Variants in PRKCB observed in about 807,000 individuals in gnomAD.
PRKCB encodes the protein protein kinase C beta type.
In PRKCB, 13 loss-of-function variants were observed where a neutral mutation model predicts 81.5. That is an observed-to-expected ratio of 0.16 (90% CI 0.10 to 0.25). The LOEUF (loss-of-function observed/expected upper bound fraction) is 0.25. Among genes scored for constraint, PRKCB ranks in the 10% least tolerant of loss-of-function variants. PRKCB has a pLI of 1.00. For missense variants in PRKCB, 509 were observed against 875.7 expected (o/e 0.58, Z 5.29); for synonymous variants, 335 against 321.4 (o/e 1.04, Z -0.45).
chr16:24,144,581 A>G (rs1294033890), intron 9 of PRKCB, among the ~76,000 whole-genome samples: 1 of 152,228 alleles, frequency 6.6e-6, no homozygotes, highest in Non-Finnish European at 1.5e-5. Context: ...GATTACAGGC[A>G]TGAGCCACCA....
chr16:24,155,872 CCT>C (rs1181091172), intron 10 of PRKCB, among the ~76,000 whole-genome samples: 1 of 152,120 alleles, frequency 6.6e-6, no homozygotes, highest in African/African-American at 2.4e-5. Flanking sequence ...CAACATGTTT[CCT>C]CTGTCTTCTG....
intron 10 of PRKCB, among the ~76,000 whole-genome samples, chr16:24,165,945 G>A (rs1207720653): frequency 7.2e-6 from 1 of 139,036 alleles, no homozygotes; most frequent in Non-Finnish European, 1.5e-5. Context: ...GGAGTGCAGT[G>A]GCATGATCTG....
chr16:23,846,595 C>T (rs961982579), intron 2 of PRKCB, among the ~76,000 whole-genome samples: 7 of 109,686 alleles, frequency 6.4e-5, no homozygotes, highest in East Asian at 5.9e-4. Flanking sequence ...GGCGACAGAG[C>T]GAGACTCCGT....
rs2141998647 is a variant in PRKCB at position 24,219,367 on chromosome 16, G to T, written c.*4551G>T. 1.0e-6 allele frequency: 1 copy of T among 985,242 alleles called. No individual in the cohort carries two copies. Among genetic ancestry groups the T allele is most frequent in the Non-Finnish European group, 1.2e-6 (1 of 830,016 alleles). The allele number at this position is 985,242 out of a possible 1,614,324, so 61.0% of individuals were successfully genotyped here. A position where few individuals can be genotyped will look rare whatever the true frequency, so the allele number is the denominator to read the frequency against. ...AAAAATGTCTTTGGAGAGAACTTCT[G>T]CCTGATAAACACCCAATTCTAGACT... On this transcript the variant is annotated 3_prime_UTR_variant, in exon 17 of 17. Transcript: ENST00000643927.
intron 2 of PRKCB, among the ~76,000 whole-genome samples, chr16:23,900,512 T>C (rs1963452399): frequency 2.0e-5 from 3 of 152,170 alleles, no homozygotes; most frequent in Admixed American, 2.0e-4. Context: ...TCCTCAAGTC[T>C]TCAGTTCTCT....
chr16:23,917,543 A>T (rs1263407313), intron 2 of PRKCB, among the ~76,000 whole-genome samples: 1 of 152,184 alleles, frequency 6.6e-6, no homozygotes, highest in African/African-American at 2.4e-5. Context: ...CCATTCGGAG[A>T]TTAGGAGGGA....
chr16:24,117,730 T>C (rs1326028857), intron 8 of PRKCB, among the ~76,000 whole-genome samples: 1 of 152,080 alleles, frequency 6.6e-6, no homozygotes, highest in Non-Finnish European at 1.5e-5. Context: ...TAAGGAAGCA[T>C]TGCCAGAAAA....
intron 2 of PRKCB, among the ~76,000 whole-genome samples, chr16:23,913,724 C>T (rs1275533135): frequency 1.3e-5 from 2 of 152,188 alleles, no homozygotes; most frequent in African/African-American, 4.8e-5. Flanking sequence ...TTTTCTGGCT[C>T]AGTGCAGGAA....
chr16:24,055,125 G>A lies in PRKCB; in HGVS notation c.529+19578G>A, dbSNP rs944447454. ...GGCCCTCTTGGGCACAGGCCAGGAG[G>A]CCAGAGCTCTGGGGACTTCTGTACC... On this transcript the variant is annotated intron_variant, in intron 5 of 16. Transcript: ENST00000643927. Among the ~76,000 whole-genome samples the A allele has an allele frequency of 3.9e-5, 6 of 152,254 alleles. 1 individual carries two copies. The highest frequency in any genetic ancestry group is 1.2e-4 in the African/African-American group (5 of 41,464).
At chr16:23,848,660 A>G (rs953772581) in intron 2 of PRKCB, among the ~76,000 whole-genome samples, 1 of 152,192 alleles carries the variant, frequency 6.6e-6, no homozygotes, top group Non-Finnish European at 1.5e-5. Flanking sequence ...CATGCTGCAC[A>G]TGGTGGTGAA....
At chr16:23,879,398 C>T (rs886882688) in intron 2 of PRKCB, among the ~76,000 whole-genome samples, 1 of 151,634 alleles carries the variant, frequency 6.6e-6, no homozygotes, top group Non-Finnish European at 1.5e-5. Context: ...GTTTTCCAGG[C>T]ACCTTCTCCT....
intron 16 of PRKCB, among the ~76,000 whole-genome samples, chr16:24,209,824 C>A (rs1381890367): frequency 6.6e-6 from 1 of 152,068 alleles, no homozygotes; most frequent in Non-Finnish European, 1.5e-5. Flanking sequence ...TAAATCAGGG[C>A]CAGTCTTGGT....
rs1363335037 is a variant in PRKCB at position 23,910,778 on chromosome 16, A to T, written c.205+73372A>T. Among the ~76,000 whole-genome samples, 6 of 152,112 alleles carry T rather than the reference A, an allele frequency of 3.9e-5. 1 individual carries two copies. The South Asian group carries it at 8.3e-4, about 21-fold the overall frequency. ...CACTATTTAATTCCAGAACATTCTCATCACCCCCGAAAGAAACCCTGAACC... is the reference window on the plus strand; with the variant it reads ...CACTATTTAATTCCAGAACATTCTCTTCACCCCCGAAAGAAACCCTGAACC... On this transcript the variant is annotated intron_variant, in intron 2 of 16. Transcript: ENST00000643927.
chr16:24,005,832 T>C (rs1965110480), intron 3 of PRKCB, among the ~76,000 whole-genome samples: 1 of 152,180 alleles, frequency 6.6e-6, no homozygotes, highest in Non-Finnish European at 1.5e-5. Context: ...AACGTAACAG[T>C]CAAGTGCACT....
At chr16:23,954,045 A>T (rs900625773) in intron 2 of PRKCB, among the ~76,000 whole-genome samples, 16 of 151,566 alleles carry the variant, frequency 1.1e-4, no homozygotes, top group East Asian at 1.9e-4. Context: ...ATTTTTTTTT[A>T]AATTTTATTA....
At chr16:24,000,392 G>A (rs931000077) in intron 3 of PRKCB, among the ~76,000 whole-genome samples, 8 of 152,170 alleles carry the variant, frequency 5.3e-5, no homozygotes, top group Admixed American at 1.3e-4. Flanking sequence ...TATTGATCAC[G>A]TCAATGGTGG....
chr16:24,018,435 T>A (rs1268210249), intron 3 of PRKCB, among the ~76,000 whole-genome samples: 7 of 152,206 alleles, frequency 4.6e-5, no homozygotes. Flanking sequence ...AACCTAGGAA[T>A]TAAGCATTAT....
rs1238823321 is a variant in PRKCB, at chr16:24,219,281, C to T, written c.*4465C>T. 10 of 944,990 alleles carry T rather than the reference C, an allele frequency of 1.1e-5. No individual in the cohort carries two copies. The highest frequency in any genetic ancestry group is 2.6e-5 in the African/African-American group (1 of 37,866). 58.5% of individuals were successfully genotyped at this position (944,990 alleles called of 1,614,324 possible). ...TTTTGTTTTGTTTTGTTTTAAGGCT[C>T]CCCTTACACACCCTCCTTTAAGCTT... On this transcript the variant is annotated 3_prime_UTR_variant, in exon 17 of 17. Coordinates refer to ENST00000643927, the MANE Select transcript of PRKCB (RefSeq NM_002738.7).
At chr16:24,042,383 A>AGGATGGG (rs67503783) in intron 5 of PRKCB, among the ~76,000 whole-genome samples, 1 of 151,464 alleles carries the variant, frequency 6.6e-6, no homozygotes, top group Non-Finnish European at 1.5e-5. Flanking sequence ...GGTCACACAC[A>AGGATGGG]GATAGGGCCC....
Sources: gnomAD v4.1 joint callset for allele counts (sites outside exome capture counted in the v4.1 genomes callset) on GRCh38, gnomAD v4.1.1 for gene constraint, MANE v1.5 for transcripts, NCBI Gene and HGNC (gene_info 2026-07-23, HGNC 2026-07-21) for gene names.